ZNF263: variants seen among roughly 807,000 people sequenced by gnomAD.
ZNF263 encodes the protein zinc finger protein FPM315.
In ZNF263, 49 loss-of-function variants were observed where a neutral mutation model predicts 63.1. The observed-to-expected ratio is 0.78, with a 90% confidence interval of 0.62 to 0.99. The LOEUF is 0.99. Ranked by LOEUF, ZNF263 falls within the 50% of genes least tolerant of loss-of-function variation. The pLI is 0.00. For synonymous variants in ZNF263, 352 were observed against 324.2 expected (o/e 1.09, Z -0.92); for missense variants, 872 against 854.8 (o/e 1.02, Z -0.25).
intron 1 of ZNF263, among the ~76,000 whole-genome samples, chr16:3,284,504 G>T (rs1959266232): frequency 6.6e-6 from 1 of 152,232 alleles, no homozygotes; most frequent in Non-Finnish European, 1.5e-5. Context: ...ACTTTGGCAA[G>T]TTACTTGATC....
chr16:3,300,272 CA>C, intron 2 of ZNF263: 1 of 1,614,180 alleles, frequency 6.2e-7, no homozygotes, highest in East Asian at 2.2e-5. Context: ...TCTGTTCGCC[CA>C]AAACACCGTG....
Position 3,290,699 on chromosome 16 carries a change from G to C in ZNF263, c.*141G>C. 1 of 1,435,826 alleles carries C rather than the reference G, an allele frequency of 7.0e-7. No individual in the cohort carries two copies. Among genetic ancestry groups the C allele is most frequent in the Non-Finnish European group, 9.1e-7 (1 of 1,100,814 alleles). The allele number at this position is 1,435,826 out of a possible 1,614,324, so 88.9% of individuals were successfully genotyped here. ...GGGGGCTCATTGTGAGGGAGGTGCA[G>C]AGGCAGCAGAGGATTGGCATAAAAC... On this transcript the variant is annotated 3_prime_UTR_variant, in exon 6 of 6. Transcript: ENST00000219069.
In ZNF263 at chr16:3,288,348, A is replaced by C. The variant is rs1008386729; in HGVS notation, c.770-106A>C. 3 of 815,948 alleles carry C rather than the reference A, an allele frequency of 3.7e-6. No individual in the cohort carries two copies. The African/African-American group carries it at 5.1e-5, about 14-fold the overall frequency. 50.5% of individuals were successfully genotyped at this position (815,948 alleles called of 1,614,324 possible). On this transcript the variant is annotated intron_variant, in intron 4 of 5. Transcript: ENST00000219069. ...ATTCCAAGTAACTGCTGTCAGATTT[A>C]TGGAGCATTCTGTATTTATCCACTG...
In ZNF263 at chr16:3,300,289, C is replaced by A. The variant is rs144795499; in HGVS notation, c.*47-624C>A. 11 of 1,614,116 alleles carry A rather than the reference C, an allele frequency of 6.8e-6. No individual in the cohort carries two copies. The African/African-American group carries it at 1.1e-4, about 16-fold the overall frequency. Reference sequence around the variant, plus strand: ...TGTTCGCCCAAAACACCGTGCAAATCTCTCTGCAGCAGCCTGAAGCTCCAC... The same window carrying A: ...TGTTCGCCCAAAACACCGTGCAAATATCTCTGCAGCAGCCTGAAGCTCCAC... On this transcript the variant is annotated intron_variant, in intron 2 of 2. Coordinates refer to the ZNF263 transcript ENST00000574674.
In ZNF263 at chr16:3,283,931, A is replaced by C. The variant is rs1959242831; in HGVS notation, c.113A>C (p.Glu38Ala). 2.5e-6 allele frequency: 4 copies of C among 1,613,528 alleles called. No homozygotes were observed. The highest frequency in any genetic ancestry group is 2.5e-6 in the Non-Finnish European group (3 of 1,179,926). ...LPPPDPGPSPEASHLRFRRFR... is the reference protein window; with the variant it reads ...LPPPDPGPSPAASHLRFRRFR... Reference sequence around the variant, plus strand: ...CCACCTGACCCAGGACCGAGCCCCGAGGCCTCCCACTTGCGCTTCAGACGG... The same window carrying C: ...CCACCTGACCCAGGACCGAGCCCCGCGGCCTCCCACTTGCGCTTCAGACGG... Residue 38 changes from glutamate to alanine, a missense_variant, in exon 1 of 6, where the codon GAG becomes GCG. Coordinates refer to ENST00000219069, the MANE Select transcript of ZNF263 (RefSeq NM_005741.5).
rs1181763986 is a variant in ZNF263 at position 3,285,236 on chromosome 16, A to T, written c.565A>T (p.Arg189Trp). ...PQRDPQAVKE[R>W]ALSAPWLSLF... ...AAGGGACCCCCAGGCTGTAAAGGAG[A>T]GGGGTGAGGCACAGTTATCTGGGCA... is the stretch of plus-strand genomic sequence containing the variant. Residue 189 changes from arginine (R) to tryptophan (W), a missense_variant, in exon 2 of 6, where the codon AGG becomes TGG. Arg to Trp is a moderately radical substitution (Grantham distance 101, BLOSUM62 -3). Coordinates refer to ENST00000219069, the MANE Select transcript of ZNF263 (RefSeq NM_005741.5). The T allele has an allele frequency of 6.2e-7, 1 of 1,610,854 alleles. No homozygotes were observed. The highest frequency in any genetic ancestry group is 8.5e-7 in the Non-Finnish European group (1 of 1,178,522).
At chr16:3,286,338 C>A in intron 4 of ZNF263, 189 bp downstream of exon 4, 2 of 763,094 alleles carry the variant, frequency 2.6e-6, no homozygotes, top group Non-Finnish European at 1.9e-6. Flanking sequence ...ACAGGCAGCC[C>A]GGGACTGGAG....
At chr16:3,295,814 G>A (rs540975444), downstream of ZNF263, among the ~76,000 whole-genome samples, 103 of 152,368 alleles carry the variant, frequency 6.8e-4, 1 homozygote, top group South Asian at 1.9e-3. Flanking sequence ...GCAGGGCAGT[G>A]AGGACGAAGA....
intron 1 of ZNF263, chr16:3,298,767 G>A: frequency 5.5e-6 from 2 of 361,968 alleles, no homozygotes; most frequent in Non-Finnish European, 4.9e-6. Flanking sequence ...AGATCCTTGT[G>A]TAAAATTTAA....
At position 3,290,771 on chromosome 16, in the gene ZNF263, G is replaced by T. The variant is rs984899471; in HGVS notation, c.*213G>T. ...TGAGAAAGGATGGCAAGTCTCTGAG[G>T]TGACCTCAGGGTGGAATTCTCTGTT... On this transcript the variant is annotated 3_prime_UTR_variant, in exon 6 of 6. Coordinates refer to ENST00000219069, the MANE Select transcript of ZNF263 (RefSeq NM_005741.5). 1 of 1,370,860 alleles carries T rather than the reference G, an allele frequency of 7.3e-7. No individual in the cohort carries two copies. The highest frequency in any genetic ancestry group is 9.4e-7 in the Non-Finnish European group (1 of 1,064,874). 84.9% of individuals were successfully genotyped at this position (1,370,860 alleles called of 1,614,324 possible). A position where few individuals can be genotyped will look rare whatever the true frequency, so the allele number is the denominator to read the frequency against.
At position 3,285,748 on chromosome 16, in the gene ZNF263, G is replaced by A. The variant is rs1959325392; in HGVS notation, c.636G>A (p.Gly212=). The A allele has an allele frequency of 6.2e-7, 1 of 1,614,096 alleles. No homozygotes were observed. Among genetic ancestry groups the A allele is most frequent in the Non-Finnish European group, 8.5e-7 (1 of 1,180,002 alleles). The change falls in exon 3 of 6, where the codon GGG becomes GGA. Residue 212 remains glycine (G), a synonymous_variant. Coordinates refer to ENST00000219069, the MANE Select transcript of ZNF263 (RefSeq NM_005741.5). ...ACATGGAAGACAAGGAGATGACTGG[G>A]CCCCAGGTGATGTGGAAGTTTCCAT... ...EGNMEDKEMT[G]PQLPESLEDV... is the part of the protein sequence containing the mutation.
intron 2 of ZNF263, chr16:3,299,892 G>T: frequency 6.2e-7 from 1 of 1,607,972 alleles, no homozygotes; most frequent in Non-Finnish European, 8.5e-7. Context: ...ATGTACTTGT[G>T]TCCTCTTTCA....
intron 1 of ZNF263, 135 bp downstream of exon 1, chr16:3,284,340 G>A (rs1241025812): frequency 7.5e-7 from 1 of 1,340,446 alleles, no homozygotes; most frequent in Non-Finnish European, 9.6e-7. Context: ...ATTTAACCTG[G>A]AACACTCATC....
At position 3,286,016 on chromosome 16, in the gene ZNF263, G is replaced by A. The variant is rs1407835707; in HGVS notation, c.643-7G>A. The A allele has an allele frequency of 1.2e-6, 2 of 1,613,886 alleles. No individual in the cohort carries two copies. The highest frequency in any genetic ancestry group is 1.3e-5 in the African/African-American group (1 of 74,896). ...CAGGGGCTAAAGGAGATCTTGTGCTGTTTCAGTTGCCTGAGAGCTTAGAGG... is the reference window on the plus strand; with the variant it reads ...CAGGGGCTAAAGGAGATCTTGTGCTATTTCAGTTGCCTGAGAGCTTAGAGG... On this transcript the variant is annotated splice_polypyrimidine_tract_variant and splice_region_variant and intron_variant, in intron 3 of 5. Coordinates refer to ENST00000219069, the MANE Select transcript of ZNF263 (RefSeq NM_005741.5).
At chr16:3,300,110 G>C (rs777128388) in intron 2 of ZNF263, 1 of 1,614,202 alleles carries the variant, frequency 6.2e-7, no homozygotes, top group Non-Finnish European at 8.5e-7. Flanking sequence ...GCTAGACACA[G>C]TTTCTCCTCT....
At position 3,283,678 on chromosome 16, in the gene ZNF263, G is replaced by T; in HGVS notation, c.-141G>T. 2 of 1,308,150 alleles carry T rather than the reference G, an allele frequency of 1.5e-6. No individual in the cohort carries two copies. Among genetic ancestry groups the T allele is most frequent in the South Asian group, 4.5e-5 (2 of 44,794 alleles). The allele number at this position is 1,308,150 out of a possible 1,614,324, so 81.0% of individuals were successfully genotyped here. On this transcript the variant is annotated 5_prime_UTR_variant, in exon 1 of 6. Transcript: ENST00000219069. ...AGGCGCCGGAGCCGGCCGCGCCTGG[G>T]CTGGAGCGGGGCTCCTCGGCCTGGA...
chr16:3,296,988 G>C (rs1245139783), intron 1 of ZNF263, among the ~76,000 whole-genome samples: 1 of 152,120 alleles, frequency 6.6e-6, no homozygotes, highest in Non-Finnish European at 1.5e-5. Flanking sequence ...TTTCAAACAT[G>C]GAAAGTGGGC....
At chr16:3,288,221 C>CAG (rs1959453144) in intron 4 of ZNF263, among the ~76,000 whole-genome samples, 1 of 150,614 alleles carries the variant, frequency 6.6e-6, no homozygotes, top group African/African-American at 2.4e-5. Flanking sequence ...CACTGCACTC[C>CAG]AGCCTGGGCG....
chr16:3,299,815 A>T, intron 2 of ZNF263: 1 of 1,588,694 alleles, frequency 6.3e-7, no homozygotes, highest in Non-Finnish European at 8.5e-7. Context: ...AAAGTTTTGA[A>T]AAAACCATTC....
Sources: allele counts gnomAD v4.1 joint callset (sites outside exome capture counted in the v4.1 genomes callset), GRCh38; gene constraint gnomAD v4.1.1; transcripts MANE v1.5; gene names NCBI Gene and HGNC (gene_info 2026-07-23, HGNC 2026-07-21).